The following FARSB variants were observed in gnomAD, a reference collection of about 807,000 sequenced individuals.
FARSB encodes the protein phenylalanyl-tRNA synthetase subunit beta.
Under a neutral mutation model 69.6 loss-of-function variants are expected in FARSB, and 40 were observed. The observed-to-expected ratio is 0.57, with a 90% CI of 0.45 to 0.75. The LOEUF (loss-of-function observed/expected upper bound fraction) is 0.75. Among genes scored for constraint, FARSB ranks in the 30% least tolerant of loss-of-function variants. The pLI is 0.00. For synonymous variants in FARSB, 235 were observed against 247.2 expected (o/e 0.95, Z 0.46); for missense variants, 632 against 722.9 (o/e 0.87, Z 1.44).
chr2:222,639,675 A>G lies in FARSB; in HGVS notation c.360T>C (p.Phe120=). ...TATTACGGAGAACTGCTGCTACCGC[A>G]AAAGGACGTATCTTAGCTGTCTGAA... ...ITEETAKIRP[F]AVAAVLRNIK... is the part of the protein sequence containing the mutation. Residue 120 remains phenylalanine (F), a synonymous_variant, in exon 5 of 17, where the codon TTT becomes TTC. Coordinates refer to ENST00000281828, the MANE Select transcript of FARSB (RefSeq NM_005687.5). 6.4e-7 allele frequency: 1 copy of G among 1,571,030 alleles called. No homozygotes were observed. Among genetic ancestry groups the G allele is most frequent in the African/African-American group, 1.4e-5 (1 of 74,058 alleles).
intron 15 of FARSB, among the ~76,000 whole-genome samples, chr2:222,605,310 C>A (rs1690677005): frequency 1.3e-5 from 2 of 152,064 alleles, no homozygotes; most frequent in Admixed American, 1.3e-4. Context: ...CATGTGGTAC[C>A]CATTTGTTGG....
rs779566030 is a variant in FARSB, at chr2:222,624,329, A to T, written c.1113T>A (p.Ala371=). 3.7e-6 allele frequency: 6 copies of T among 1,613,154 alleles called. No individual in the cohort carries two copies. The South Asian group carries it at 6.6e-5, about 18-fold the overall frequency. ...ACDIVEDAAI[A]YGYNNIQMTL... is the part of the protein sequence containing the mutation. ...TCATCTGAATGTTGTTATATCCATA[A>T]GCAATAGCTGCATCTTCTACAATAT... Residue 371 remains alanine (A), a synonymous_variant, in exon 12 of 17, where the codon GCT becomes GCA. Transcript: ENST00000281828.
At chr2:222,612,193 C>T (rs1255107513) in intron 15 of FARSB, among the ~76,000 whole-genome samples, 1 of 152,180 alleles carries the variant, frequency 6.6e-6, no homozygotes, top group Non-Finnish European at 1.5e-5. Context: ...GCAGCTGGCA[C>T]TAAACATGTT....
chr2:222,605,939 CAA>C (rs1228798785), intron 15 of FARSB, among the ~76,000 whole-genome samples: 1 of 152,020 alleles, frequency 6.6e-6, no homozygotes, highest in East Asian at 1.9e-4. Context: ...AAAACAAAAA[CAA>C]AAGAGAACTT....
chr2:222,619,797 A>G, intron 13 of FARSB, 60 bp from the exon 14 acceptor site: 1 of 927,322 alleles, frequency 1.1e-6, no homozygotes, highest in Non-Finnish European at 1.7e-6. Flanking sequence ...TTTAAAATAA[A>G]AAGTAATGCT....
chr2:222,641,603 G>A (rs746910906), intron 3 of FARSB, among the ~76,000 whole-genome samples: 6 of 152,168 alleles, frequency 3.9e-5, no homozygotes, highest in Non-Finnish European at 7.4e-5. Flanking sequence ...GCTGGTCCAT[G>A]GACTCACTTT....
At chr2:222,609,287 T>C (rs1473521938) in intron 15 of FARSB, among the ~76,000 whole-genome samples, 2 of 152,234 alleles carry the variant, frequency 1.3e-5, no homozygotes, top group East Asian at 1.9e-4. Context: ...ATTAGGTCCT[T>C]TGTTCCCCAG....
intron 14 of FARSB, among the ~76,000 whole-genome samples, chr2:222,617,585 A>G (rs543192375): frequency 1.3e-3 from 205 of 152,300 alleles, no homozygotes; most frequent in African/African-American, 4.4e-3. Context: ...CTGAATCTAA[A>G]ATAAAAGTTG....
At chr2:222,611,616 T>G (rs931278244) in intron 15 of FARSB, among the ~76,000 whole-genome samples, 6 of 152,218 alleles carry the variant, frequency 3.9e-5, no homozygotes, top group Admixed American at 2.6e-4. Flanking sequence ...CCTGGCCACC[T>G]AGGTGATTTG....
intron 1 of FARSB, among the ~76,000 whole-genome samples, chr2:222,655,592 GAC>G (rs1241309625): frequency 6.6e-6 from 1 of 152,200 alleles, no homozygotes; most frequent in Non-Finnish European, 1.5e-5. Context: ...ATAAAACGAA[GAC>G]AGGTGGAATG....
At chr2:222,598,255 T>C (rs532296106) in intron 16 of FARSB, among the ~76,000 whole-genome samples, 126 of 152,380 alleles carry the variant, frequency 8.3e-4, no homozygotes, top group Non-Finnish European at 1.4e-3. Flanking sequence ...GCAGCACCTG[T>C]GTCCTACTTA....
chr2:222,633,787 T>C (rs1362117148), intron 6 of FARSB, among the ~76,000 whole-genome samples: 2 of 151,830 alleles, frequency 1.3e-5, no homozygotes, highest in Non-Finnish European at 2.9e-5. Flanking sequence ...TATAAATTAA[T>C]ATTCCAGTAT....
intron 16 of FARSB, among the ~76,000 whole-genome samples, chr2:222,594,297 AT>A (rs964529947): frequency 6.6e-6 from 1 of 152,022 alleles, no homozygotes; most frequent in East Asian, 1.9e-4. Context: ...GATTTTTATA[AT>A]TTTTTATTAC....
chr2:222,599,897 A>G, intron 16 of FARSB, 31 bp downstream of exon 16: 1 of 1,531,174 alleles, frequency 6.5e-7, no homozygotes, highest in Non-Finnish European at 8.7e-7. Context: ...TGACACTGTC[A>G]CTAACTCTGG....
chr2:222,639,717 G>C (rs1476440665), intron 4 of FARSB, 22 bp from the exon 5 acceptor site: 2 of 1,195,558 alleles, frequency 1.7e-6, no homozygotes, highest in African/African-American at 1.5e-5. Flanking sequence ...AATATCATTA[G>C]AGATAGCAAA....
In FARSB at chr2:222,643,017, C is replaced by A; in HGVS notation, c.115-12G>T. 6.6e-7 allele frequency: 1 copy of A among 1,511,080 alleles called. No homozygotes were observed. Among genetic ancestry groups the A allele is most frequent in the Non-Finnish European group, 9.0e-7 (1 of 1,112,468 alleles). 93.6% of individuals were successfully genotyped at this position (1,511,080 alleles called of 1,614,324 possible). A position where few individuals can be genotyped will look rare whatever the true frequency, so the allele number is the denominator to read the frequency against. On this transcript the variant is annotated splice_polypyrimidine_tract_variant and intron_variant, in intron 2 of 16. Coordinates refer to ENST00000281828, the MANE Select transcript of FARSB (RefSeq NM_005687.5). ...TCCTTCTCAGATGTCTAAAACAAGC[C>A]AAAAAGTAATGATAAAAATTAAATA... is the stretch of plus-strand genomic sequence containing the variant.
intron 16 of FARSB, among the ~76,000 whole-genome samples, chr2:222,579,932 G>A (rs990306617): frequency 6.6e-6 from 1 of 152,144 alleles, no homozygotes; most frequent in African/African-American, 2.4e-5. Flanking sequence ...GACAGATATC[G>A]TCATTGCCAT....
At chr2:222,626,644 C>G (rs2106221990) in intron 10 of FARSB, among the ~76,000 whole-genome samples, 1 of 152,286 alleles carries the variant, frequency 6.6e-6, no homozygotes, top group Non-Finnish European at 1.5e-5. Flanking sequence ...AAGGGTTTAT[C>G]CATATGAGGA....
chr2:222,637,540 C>G (rs760160974), intron 5 of FARSB, among the ~76,000 whole-genome samples: 1 of 152,142 alleles, frequency 6.6e-6, no homozygotes, highest in Non-Finnish European at 1.5e-5. Flanking sequence ...TCCATGCTCA[C>G]ACAGACTAAA....
Sources: allele counts gnomAD v4.1 joint callset (sites outside exome capture counted in the v4.1 genomes callset), GRCh38; gene constraint gnomAD v4.1.1; transcripts MANE v1.5; gene names NCBI Gene and HGNC (gene_info 2026-07-23, HGNC 2026-07-21).